EYS: variants seen among roughly 807,000 people sequenced by gnomAD.
The protein encoded by EYS is protein eyes shut homolog.
A neutral mutation model predicts 282.1 loss-of-function variants in EYS; 250 were observed. The observed-to-expected ratio is 0.89, with a 90% confidence interval of 0.80 to 0.98. The LOEUF is 0.98. Ranked by LOEUF, EYS falls within the 50% of genes least tolerant of loss-of-function variation. The pLI, the probability that EYS is intolerant of heterozygous loss-of-function variation, is 0.00. For synonymous variants in EYS, 1,355 were observed against 1,282.9 expected (o/e 1.06, Z -1.20); for missense variants, 4,016 against 3,709.0 (o/e 1.08, Z -2.15).
chr6:63,843,618 A>G (rs996306401), intron 36 of EYS, among the ~76,000 whole-genome samples: 2 of 152,198 alleles, frequency 1.3e-5, no homozygotes, highest in African/African-American at 2.4e-5. Flanking sequence ...AATAAGAGCT[A>G]TTTATGACAA....
Position 64,590,301 on chromosome 6 carries a change from G to A in EYS, c.5566C>T (p.Arg1856Trp), listed in dbSNP as rs116561042. 1.1e-4 allele frequency: 164 copies of A among 1,551,100 alleles called. No individual in the cohort carries two copies. The African/African-American group carries it at 1.8e-3, about 17-fold the overall frequency. Residue 1856 changes from arginine (R) to tryptophan (W), a missense_variant, in exon 26 of 43, where the codon CGG becomes TGG. Transcript: ENST00000503581. ...AGAGATCTAGTGAAGGGAAGATGCC[G>A]GCTTGCAGTGGGAAATTCCTGATAT... ...VQYQEFPTAS[R>W]HLPFTRSLTL...
At chr6:65,665,508 C>A (rs1270296874) in intron 1 of EYS, among the ~76,000 whole-genome samples, 1 of 152,082 alleles carries the variant, frequency 6.6e-6, no homozygotes, top group African/African-American at 2.4e-5. Context: ...AGAATTACAG[C>A]AGAAACATTG....
At chr6:65,199,509 C>G (rs1267110855) in intron 12 of EYS, among the ~76,000 whole-genome samples, 1 of 152,098 alleles carries the variant, frequency 6.6e-6, no homozygotes, top group Non-Finnish European at 1.5e-5. Context: ...ACCGAGGTCT[C>G]AGACTTTAAA....
At chr6:64,235,012 G>A (rs914060926) in intron 30 of EYS, among the ~76,000 whole-genome samples, 2 of 150,932 alleles carry the variant, frequency 1.3e-5, no homozygotes, top group African/African-American at 4.9e-5. Flanking sequence ...CGAGTAGCTG[G>A]GATTACAGGC....
At chr6:64,861,175 G>A (rs1237959644) in intron 19 of EYS, among the ~76,000 whole-genome samples, 3 of 152,212 alleles carry the variant, frequency 2.0e-5, no homozygotes, top group African/African-American at 7.2e-5. Context: ...GCAGGCCAGT[G>A]CGGAACTGCC....
chr6:65,012,875 T>TTAA (rs139764407), intron 13 of EYS, among the ~76,000 whole-genome samples: 1 of 148,412 alleles, frequency 6.7e-6, no homozygotes, highest in Non-Finnish European at 1.5e-5. Context: ...TTTCCTTCAA[T>TTAA]AAAAAAAAAT....
intron 31 of EYS, among the ~76,000 whole-genome samples, chr6:64,145,529 A>T (rs1774485693): frequency 6.6e-6 from 1 of 152,144 alleles, no homozygotes; most frequent in Non-Finnish European, 1.5e-5. Context: ...TTAGTTTCAC[A>T]CCCATATATG....
chr6:64,615,394 GT>G (rs1190570385), intron 24 of EYS, among the ~76,000 whole-genome samples: 2 of 151,944 alleles, frequency 1.3e-5, no homozygotes, highest in African/African-American at 4.8e-5. Flanking sequence ...TTCCATACCT[GT>G]ATCCATTTCA....
chr6:65,365,781 A>G (rs1266022116), intron 8 of EYS, among the ~76,000 whole-genome samples: 2 of 151,734 alleles, frequency 1.3e-5, no homozygotes, highest in Non-Finnish European at 2.9e-5. Context: ...AGGCTAAACA[A>G]AAGTTACTTA....
At chr6:65,038,125 C>A (rs1233909675) in intron 13 of EYS, among the ~76,000 whole-genome samples, 1 of 151,488 alleles carries the variant, frequency 6.6e-6, no homozygotes, top group Non-Finnish European at 1.5e-5. Context: ...ATTTATCATC[C>A]TGTTCTTAGC....
intron 18 of EYS, among the ~76,000 whole-genome samples, chr6:64,892,937 A>T (rs969859116): frequency 6.6e-6 from 1 of 152,104 alleles, no homozygotes; most frequent in African/African-American, 2.4e-5. Context: ...TCACAAACTG[A>T]ATGGTCACAA....
intron 22 of EYS, among the ~76,000 whole-genome samples, chr6:64,729,369 C>T (rs998289703): frequency 6.6e-5 from 10 of 152,150 alleles, no homozygotes; most frequent in African/African-American, 1.9e-4. Context: ...TGATGTTGAA[C>T]GTGGCTATGT....
At chr6:64,031,039 C>T (rs1208541257) in intron 33 of EYS, among the ~76,000 whole-genome samples, 1 of 152,252 alleles carries the variant, frequency 6.6e-6, no homozygotes, top group Non-Finnish European at 1.5e-5. Context: ...ACCTCCTCTG[C>T]CTGGGCTCCC....
chr6:64,896,121 A>C (rs2150068425), intron 18 of EYS, among the ~76,000 whole-genome samples: 1 of 152,336 alleles, frequency 6.6e-6, no homozygotes, highest in South Asian at 2.1e-4. Flanking sequence ...AAAAAACATT[A>C]AAGAGCAGAT....
At chr6:65,506,647 AT>A (rs35607551) in intron 2 of EYS, among the ~76,000 whole-genome samples, 37 of 146,490 alleles carry the variant, frequency 2.5e-4, no homozygotes, top group South Asian at 4.3e-4. Context: ...CAGACTATGA[AT>A]TTTTTTTTTT....
At chr6:63,799,929 G>A (rs1357355958) in intron 37 of EYS, among the ~76,000 whole-genome samples, 1 of 152,202 alleles carries the variant, frequency 6.6e-6, no homozygotes, top group Non-Finnish European at 1.5e-5. Flanking sequence ...GACTGAACGA[G>A]AGCGATGGAT....
chr6:64,248,021 A>G (rs1025470936), intron 30 of EYS, among the ~76,000 whole-genome samples: 2 of 152,184 alleles, frequency 1.3e-5, no homozygotes, highest in Non-Finnish European at 1.5e-5. Flanking sequence ...GCCGAGTCCT[A>G]AAAGACCAGA....
intron 24 of EYS, 59 bp downstream of exon 24, chr6:64,617,359 T>G (rs1767306195): frequency 9.2e-7 from 1 of 1,082,586 alleles, no homozygotes. Flanking sequence ...TTTCTACTAT[T>G]TACTGTGTAT....
At chr6:64,596,646 G>A (rs911522224) in intron 24 of EYS, among the ~76,000 whole-genome samples, 5 of 151,990 alleles carry the variant, frequency 3.3e-5, no homozygotes, top group African/African-American at 4.8e-5. Flanking sequence ...AGGGAAAACT[G>A]GATACTCATA....
Sources: gnomAD v4.1 joint callset for allele counts (sites outside exome capture counted in the v4.1 genomes callset) on GRCh38, gnomAD v4.1.1 for gene constraint, MANE v1.5 for transcripts, NCBI Gene and HGNC (gene_info 2026-07-23, HGNC 2026-07-21) for gene names.